HS6ST3: variants seen among roughly 807,000 people sequenced by gnomAD.
HS6ST3 encodes heparan-sulfate 6-O-sulfotransferase 3.
In HS6ST3, 12 loss-of-function variants were observed where a neutral mutation model predicts 36.7. That is an observed-to-expected ratio of 0.33 (90% CI 0.21 to 0.53). The LOEUF (loss-of-function observed/expected upper bound fraction) is 0.53, where lower values mean the gene tolerates loss of function less well. HS6ST3 is among the 20% of genes least tolerant of loss of function. The pLI is 0.95. For synonymous variants in HS6ST3, 240 were observed against 257.5 expected (o/e 0.93, Z 0.65); for missense variants, 584 against 640.9 (o/e 0.91, Z 0.96).
intron 1 of HS6ST3, among the ~76,000 whole-genome samples, chr13:96,517,622 T>A (rs2056077711): frequency 6.6e-6 from 1 of 152,194 alleles, no homozygotes; most frequent in Non-Finnish European, 1.5e-5. Context: ...TATTTTAGGC[T>A]TGGGGCACAT....
chr13:96,344,646 A>G (rs1391428815), intron 1 of HS6ST3, among the ~76,000 whole-genome samples: 2 of 152,190 alleles, frequency 1.3e-5, no homozygotes, highest in African/African-American at 4.8e-5. Context: ...GGTTAGTGGT[A>G]CACACTGACC....
At chr13:96,422,277 A>C (rs1009227497) in intron 1 of HS6ST3, among the ~76,000 whole-genome samples, 1 of 152,196 alleles carries the variant, frequency 6.6e-6, no homozygotes, top group African/African-American at 2.4e-5. Context: ...TTTGGTCTTC[A>C]GTGGCCTCTC....
At chr13:96,141,004 A>G (rs2054029459) in intron 1 of HS6ST3, among the ~76,000 whole-genome samples, 1 of 152,350 alleles carries the variant, frequency 6.6e-6, no homozygotes, top group Non-Finnish European at 1.5e-5. Flanking sequence ...GAAGAAAATC[A>G]TCAAGGAGAA....
At chr13:96,152,308 C>T (rs1465020480) in intron 1 of HS6ST3, among the ~76,000 whole-genome samples, 1 of 139,124 alleles carries the variant, frequency 7.2e-6, no homozygotes, top group Non-Finnish European at 1.5e-5. Context: ...TTCCAACTGG[C>T]CCCTTTCCTT....
intron 1 of HS6ST3, among the ~76,000 whole-genome samples, chr13:96,468,512 A>T (rs901568303): frequency 5.1e-5 from 7 of 136,744 alleles, no homozygotes; most frequent in Non-Finnish European, 9.6e-5. Flanking sequence ...ACACACACAC[A>T]CACTCCATAA....
chr13:96,377,141 G>T (rs1230153573), intron 1 of HS6ST3, among the ~76,000 whole-genome samples: 2 of 150,732 alleles, frequency 1.3e-5, no homozygotes, highest in Non-Finnish European at 2.9e-5. Flanking sequence ...GAGGTGGGAG[G>T]ATTACTTGAG....
chr13:96,783,290 T>A (rs562122193), intron 1 of HS6ST3, among the ~76,000 whole-genome samples: 2 of 152,286 alleles, frequency 1.3e-5, no homozygotes, highest in African/African-American at 2.4e-5. Context: ...TATATTGCGT[T>A]ATGACTGCTT....
chr13:96,091,598 T>TGGCGC, intron 1 of HS6ST3, 29 bp downstream of exon 1: 1 of 1,488,804 alleles, frequency 6.7e-7, no homozygotes, highest in Non-Finnish European at 9.0e-7. Flanking sequence ...TCTCTGTTCT[T>TGGCGC]CCCCCCCACC....
At chr13:96,390,434 G>A (rs1370358514) in intron 1 of HS6ST3, among the ~76,000 whole-genome samples, 1 of 152,118 alleles carries the variant, frequency 6.6e-6, no homozygotes, top group Non-Finnish European at 1.5e-5. Context: ...GTGAGGATAC[G>A]GTGAGAAGAG....
intron 1 of HS6ST3, among the ~76,000 whole-genome samples, chr13:96,332,305 A>G (rs1463802518): frequency 1.3e-5 from 2 of 152,190 alleles, no homozygotes; most frequent in African/African-American, 4.8e-5. Flanking sequence ...AAAGGACTAT[A>G]GATTTGGAGG....
At chr13:96,351,733 C>T (rs1243444195) in intron 1 of HS6ST3, among the ~76,000 whole-genome samples, 1 of 151,940 alleles carries the variant, frequency 6.6e-6, no homozygotes, top group Non-Finnish European at 1.5e-5. Flanking sequence ...ACTACTTCAG[C>T]CAGTGAAATT....
chr13:96,432,599 G>A (rs894046376), intron 1 of HS6ST3, among the ~76,000 whole-genome samples: 3 of 152,044 alleles, frequency 2.0e-5, no homozygotes, highest in Non-Finnish European at 4.4e-5. Flanking sequence ...GACTTACTCT[G>A]AAAAAGCTAA....
intron 1 of HS6ST3, among the ~76,000 whole-genome samples, chr13:96,805,016 A>C (rs1878163014): frequency 6.6e-6 from 1 of 152,220 alleles, no homozygotes; most frequent in Non-Finnish European, 1.5e-5. Context: ...GAAATACGTA[A>C]ATGAGAAAAT....
At chr13:96,475,331 A>G (rs1226257381) in intron 1 of HS6ST3, among the ~76,000 whole-genome samples, 1 of 152,124 alleles carries the variant, frequency 6.6e-6, no homozygotes, top group Admixed American at 6.6e-5. Flanking sequence ...GGCACACTAA[A>G]CGGGGATGAC....
intron 1 of HS6ST3, among the ~76,000 whole-genome samples, chr13:96,358,282 G>GCACAGGGTGTTCACATGTTCT (rs372550370): frequency 0.046 from 7,000 of 152,216 alleles, 290 homozygotes; most frequent in African/African-American, 0.11. Context: ...AGGTGGTGGG[G>GCACAGGGTGTTCACATGTTCT]CATACTATCT....
chr13:96,209,915 ATCACTG>A (rs2054390369), intron 1 of HS6ST3, among the ~76,000 whole-genome samples: 1 of 152,162 alleles, frequency 6.6e-6, no homozygotes, highest in South Asian at 2.1e-4. Flanking sequence ...TTGTCTAATT[ATCACTG>A]TCTGAAAATA....
At chr13:96,179,104 C>T (rs1482958985) in intron 1 of HS6ST3, among the ~76,000 whole-genome samples, 1 of 152,108 alleles carries the variant, frequency 6.6e-6, no homozygotes, top group African/African-American at 2.4e-5. Context: ...TAGTAAAATG[C>T]TGAAGTGGTT....
intron 1 of HS6ST3, among the ~76,000 whole-genome samples, chr13:96,246,269 C>T (rs982312951): frequency 6.6e-6 from 1 of 152,140 alleles, no homozygotes; most frequent in South Asian, 2.1e-4. Flanking sequence ...GGCCTTGAAA[C>T]GAGATTCTCT....
chr13:96,519,388 G>A (rs889180621), intron 1 of HS6ST3, among the ~76,000 whole-genome samples: 1 of 152,188 alleles, frequency 6.6e-6, no homozygotes, highest in Non-Finnish European at 1.5e-5. Context: ...CTATTTTGAG[G>A]TGAAGTCTTG....
Sources: gnomAD v4.1 joint callset for allele counts (sites outside exome capture counted in the v4.1 genomes callset) on GRCh38, gnomAD v4.1.1 for gene constraint, MANE v1.5 for transcripts, NCBI Gene and HGNC (gene_info 2026-07-23, HGNC 2026-07-21) for gene names.